COL18A1: variants seen among roughly 807,000 people sequenced by gnomAD.
COL18A1 encodes the protein collagen type XVIII alpha 1 chain.
COL18A1 carries 133 observed loss-of-function variants against 168.0 expected under a neutral mutation model. The observed-to-expected ratio is 0.79, with a 90% CI of 0.69 to 0.91. The LOEUF (loss-of-function observed/expected upper bound fraction) is 0.91, where lower values mean the gene tolerates loss of function less well. Among genes scored for constraint, COL18A1 ranks in the 40% least tolerant of loss-of-function variants. The pLI, the probability that COL18A1 is intolerant of heterozygous loss-of-function variation, is 0.00. For missense variants in COL18A1, 2,126 were observed against 1,925.4 expected (o/e 1.10, Z -1.95); for synonymous variants, 949 against 809.0 (o/e 1.17, Z -2.94).
chr21:45,490,508 C>T (rs1357924164), intron 20 of COL18A1, among the ~76,000 whole-genome samples, 162 bp downstream of exon 20: 1 of 149,300 alleles, frequency 6.7e-6, no homozygotes, highest in African/African-American at 2.5e-5. Flanking sequence ...GTCTCTGGGC[C>T]TCCGTGTGCC....
intron 2 of COL18A1, among the ~76,000 whole-genome samples, chr21:45,436,624 C>A (rs1238698157): frequency 6.8e-6 from 1 of 148,130 alleles, no homozygotes. Context: ...TGCCCCACCC[C>A]TGCAGCCCTG....
At chr21:45,460,116 CAAG>C (rs10582556) in intron 2 of COL18A1, among the ~76,000 whole-genome samples, 21,573 of 152,114 alleles carry the variant, frequency 0.14, 1,887 homozygotes, top group African/African-American at 0.23. Context: ...GTGTGGCTAG[CAAG>C]GAGGGAGCCT....
chr21:45,448,608 T>C (rs1277851818), intron 2 of COL18A1, among the ~76,000 whole-genome samples: 1 of 152,252 alleles, frequency 6.6e-6, no homozygotes, highest in Non-Finnish European at 1.5e-5. Context: ...CACATTGCCC[T>C]GTAGATGCAC....
chr21:45,440,022 A>G (rs1343829560), intron 2 of COL18A1, among the ~76,000 whole-genome samples: 2 of 152,250 alleles, frequency 1.3e-5, no homozygotes, highest in Non-Finnish European at 2.9e-5. Context: ...GCACCCAGAA[A>G]GCGCCAGCGG....
intron 6 of COL18A1, 102 bp from the exon 7 acceptor site, chr21:45,477,309 G>C: frequency 1.1e-6 from 1 of 884,084 alleles, no homozygotes; most frequent in Admixed American, 2.0e-5. Context: ...CCGGGCTCCA[G>C]GACTGAAAGC....
At chr21:45,506,206 C>T in intron 37 of COL18A1, 2 of 554,220 alleles carry the variant, frequency 3.6e-6, no homozygotes, top group Non-Finnish European at 6.5e-6. Flanking sequence ...GTGAGGGGCT[C>T]CTGGTGGGTC....
chr21:45,451,156 A>G (rs1407103052), intron 2 of COL18A1, among the ~76,000 whole-genome samples: 2 of 152,236 alleles, frequency 1.3e-5, no homozygotes, highest in African/African-American at 4.8e-5. Context: ...GCGTGCGGGT[A>G]GCCCATGGCT....
chr21:45,505,009 AG>A (rs2146079387), intron 34 of COL18A1, 124 bp from the exon 35 acceptor site: 2 of 1,228,478 alleles, frequency 1.6e-6, no homozygotes, highest in South Asian at 2.6e-5. Flanking sequence ...GTGGGCAGGG[AG>A]GGGACCGGTG....
At chr21:45,490,737 A>G in intron 20 of COL18A1, 99 bp from the exon 21 acceptor site, 1 of 1,295,070 alleles carries the variant, frequency 7.7e-7, no homozygotes, top group Non-Finnish European at 1.1e-6. Flanking sequence ...GCCGGTCGGG[A>G]AATAAAGAAC....
At chr21:45,445,900 A>C (rs534801965) in intron 2 of COL18A1, among the ~76,000 whole-genome samples, 1 of 152,240 alleles carries the variant, frequency 6.6e-6, no homozygotes, top group East Asian at 1.9e-4. Context: ...GTGAGATGTC[A>C]TTTCACTTTC....
At chr21:45,476,921 TTG>T (rs56196443) in intron 6 of COL18A1, among the ~76,000 whole-genome samples, 31,460 of 146,646 alleles carry the variant, frequency 0.21, 3,487 homozygotes, top group African/African-American at 0.28. Context: ...ATTATGTGTT[TTG>T]TGTGTGTGTG....
In COL18A1 at chr21:45,505,870, G is replaced by A. The variant is rs1380853962; in HGVS notation, c.3120G>A (p.Leu1040=). The A allele has an allele frequency of 3.7e-6, 6 of 1,609,044 alleles. No individual in the cohort carries two copies. Among genetic ancestry groups the A allele is most frequent in the Non-Finnish European group, 5.1e-6 (6 of 1,178,406 alleles). ...TCTGGGCTACACGCCAGGCCATGCTGGGCCAGGTGCACGAGGTTCCCGAGG... is the reference window on the plus strand; with the variant it reads ...TCTGGGCTACACGCCAGGCCATGCTAGGCCAGGTGCACGAGGTTCCCGAGG... ...VRLWATRQAM[L]GQVHEVPEGW... is the part of the protein sequence containing the mutation. Residue 1040 remains leucine, a synonymous_variant, in exon 37 of 42, where the codon CTG becomes CTA. Transcript: ENST00000651438.
rs762818415 is a variant in COL18A1 at position 45,480,075 on chromosome 21, C to G, written c.1317C>G (p.Asp439Glu). ...GDVGPKGDKGDPGVGERGPPG... is the reference protein window; with the variant it reads ...GDVGPKGDKGEPGVGERGPPG... ...GGCTTGTCTTGTGTTCCCAGGGAGA[C>G]CCTGGGGTTGGAGAGAGAGGGCCCC... Residue 439 changes from aspartate (D) to glutamate (E), a missense_variant, in exon 11 of 42, where the codon GAC becomes GAG. By Grantham distance (45) the Asp-to-Glu change is conservative. Coordinates refer to ENST00000651438, the MANE Select transcript of COL18A1 (RefSeq NM_001379500.1). 1.9e-6 allele frequency: 3 copies of G among 1,610,760 alleles called. No individual in the cohort carries two copies. The highest frequency in any genetic ancestry group is 1.7e-4 in the Middle Eastern group (1 of 6,058).
intron 11 of COL18A1, 150 bp from the exon 12 acceptor site, chr21:45,480,316 CT>C: frequency 1.4e-6 from 2 of 1,450,398 alleles, no homozygotes; most frequent in East Asian, 4.9e-5. Context: ...ATCCACCTGC[CT>C]TCAGGCTTCT....
intron 41 of COL18A1, 63 bp downstream of exon 41, chr21:45,511,289 G>A: frequency 1.2e-6 from 1 of 842,088 alleles, no homozygotes; most frequent in Non-Finnish European, 2.0e-6. Flanking sequence ...GGGCGGGCGG[G>A]CTCCTATCTG....
Position 45,437,168 on chromosome 21 carries a change from T to G in COL18A1, c.107-31074T>G, listed in dbSNP as rs1489117885. Among the ~76,000 whole-genome samples, 3 of 97,372 alleles carry G rather than the reference T, an allele frequency of 3.1e-5. 1 individual carries two copies. Among genetic ancestry groups the G allele is most frequent in the Non-Finnish European group, 5.6e-5 (3 of 53,436 alleles). 63.9% of individuals were successfully genotyped at this position (97,372 alleles called of 152,430 possible). ...CACACTCACACTCAGACACAGGCAC[T>G]CTCCTGCACACACACTCACACAGAC... is the stretch of plus-strand genomic sequence containing the variant. On this transcript the variant is annotated intron_variant, in intron 2 of 41. Coordinates refer to ENST00000651438, the MANE Select transcript of COL18A1 (RefSeq NM_001379500.1).
chr21:45,481,838 G>A, intron 13 of COL18A1, 125 bp from the exon 14 acceptor site: 1 of 750,496 alleles, frequency 1.3e-6, no homozygotes, highest in South Asian at 1.5e-5. Context: ...CTCTGGCCCT[G>A]TGTCTGGGGA....
At chr21:45,451,268 C>A (rs921810577) in intron 2 of COL18A1, among the ~76,000 whole-genome samples, 1 of 152,262 alleles carries the variant, frequency 6.6e-6, no homozygotes, top group Non-Finnish European at 1.5e-5. Context: ...GACCCATTTT[C>A]TCATCAGGGA....
At chr21:45,494,717 C>T (rs1240675248) in intron 27 of COL18A1, 145 bp from the exon 28 acceptor site, 9 of 1,351,114 alleles carry the variant, frequency 6.7e-6, no homozygotes, top group Middle Eastern at 2.1e-4. Flanking sequence ...CAGGTGTCGG[C>T]GTGAGGCTGC....
Sources: allele counts gnomAD v4.1 joint callset (sites outside exome capture counted in the v4.1 genomes callset), GRCh38; gene constraint gnomAD v4.1.1; transcripts MANE v1.5; gene names NCBI Gene and HGNC (gene_info 2026-07-23, HGNC 2026-07-21).